CRPPA: variants seen among roughly 807,000 people sequenced by gnomAD.
The protein encoded by CRPPA is CDP-L-ribitol pyrophosphorylase A, also known as D-ribitol-5-phosphate cytidylyltransferase.
CRPPA carries 43 observed loss-of-function variants against 52.0 expected under a neutral mutation model. That is an observed-to-expected ratio of 0.83 (90% CI 0.65 to 1.07). CRPPA has a LOEUF of 1.07. Ranked by LOEUF, CRPPA falls within the 50% of genes least tolerant of loss-of-function variation. The pLI is 0.00. For synonymous variants in CRPPA, 250 were observed against 203.5 expected, an observed-to-expected ratio of 1.23 and a Z score of -1.94; for missense variants, 629 against 551.7, an observed-to-expected ratio of 1.14 and a Z score of -1.40.
chr7:16,303,971 AGTAACTGG>A (rs1381423660), intron 4 of CRPPA, among the ~76,000 whole-genome samples: 1 of 152,244 alleles, frequency 6.6e-6, no homozygotes, highest in African/African-American at 2.4e-5. Flanking sequence ...AAATTTCTTC[AGTAACTGG>A]TTATCAATCT....
chr7:16,229,312 T>G (rs12699773), intron 8 of CRPPA, among the ~76,000 whole-genome samples: 1 of 151,896 alleles, frequency 6.6e-6, no homozygotes, highest in Non-Finnish European at 1.5e-5. Flanking sequence ...ACAACTGCCA[T>G]TTTTGTGCAT....
chr7:16,093,505 T>C (rs1267827729), intron 9 of CRPPA, among the ~76,000 whole-genome samples: 2 of 152,160 alleles, frequency 1.3e-5, no homozygotes, highest in Non-Finnish European at 2.9e-5. Flanking sequence ...TTTCTATCAA[T>C]TTCCTTGATT....
intron 9 of CRPPA, among the ~76,000 whole-genome samples, chr7:16,197,504 G>C (rs1781764538): frequency 6.6e-6 from 1 of 151,250 alleles, no homozygotes; most frequent in East Asian, 1.9e-4. Context: ...TACTTGCGCA[G>C]CATTTTTTTT....
intron 3 of CRPPA, among the ~76,000 whole-genome samples, chr7:16,353,903 G>A (rs1419744355): frequency 6.6e-6 from 1 of 151,942 alleles, no homozygotes; most frequent in Non-Finnish European, 1.5e-5. Flanking sequence ...AATAATTCAG[G>A]TGATGGGTAT....
At chr7:16,301,351 G>T (rs1312283705) in intron 5 of CRPPA, 70 bp downstream of exon 5, 2 of 1,272,174 alleles carry the variant, frequency 1.6e-6, no homozygotes, top group Non-Finnish European at 2.3e-6. Flanking sequence ...GATTTAAACT[G>T]TCATGAGAAA....
chr7:16,101,880 C>T (rs1782053024), intron 9 of CRPPA, among the ~76,000 whole-genome samples: 1 of 152,072 alleles, frequency 6.6e-6, no homozygotes, highest in Non-Finnish European at 1.5e-5. Flanking sequence ...GGCCATATTG[C>T]CCAACGTAAT....
At chr7:16,361,732 T>A (rs374745993) in intron 3 of CRPPA, among the ~76,000 whole-genome samples, 3 of 152,220 alleles carry the variant, frequency 2.0e-5, no homozygotes, top group Admixed American at 1.3e-4. Flanking sequence ...AGTGAAAGTT[T>A]TGAAAGATAA....
intron 2 of CRPPA, among the ~76,000 whole-genome samples, chr7:16,399,507 C>T (rs1279686958): frequency 2.0e-5 from 3 of 151,622 alleles, no homozygotes; most frequent in Admixed American, 1.3e-4. Flanking sequence ...TCGTGACCAA[C>T]GTGACCAGAG....
chr7:16,287,910 AAAGG>A (rs200678619), intron 5 of CRPPA, among the ~76,000 whole-genome samples: 3,329 of 139,848 alleles, frequency 0.024, 146 homozygotes, highest in African/African-American at 0.08. Flanking sequence ...TGAAAAAAAG[AAAGG>A]AAGGAAGGAA....
chr7:16,112,580 C>CA (rs1782288856), intron 9 of CRPPA, among the ~76,000 whole-genome samples: 1 of 151,940 alleles, frequency 6.6e-6, no homozygotes, highest in African/African-American at 2.4e-5. Flanking sequence ...TACTAAGTAA[C>CA]AAAAAACAAT....
At chr7:16,348,377 G>A (rs1461509743) in intron 3 of CRPPA, among the ~76,000 whole-genome samples, 1 of 152,134 alleles carries the variant, frequency 6.6e-6, no homozygotes, top group South Asian at 2.1e-4. Flanking sequence ...ATGTCCAGGG[G>A]CTTAATCCCC....
At chr7:16,258,518 C>A in intron 7 of CRPPA, 36 bp from the exon 8 acceptor site, 1 of 1,280,302 alleles carries the variant, frequency 7.8e-7, no homozygotes, top group Non-Finnish European at 1.1e-6. Flanking sequence ...TATGAGAAGA[C>A]GTTTTTAAAT....
At chr7:16,390,936 G>T (rs948779126) in intron 2 of CRPPA, among the ~76,000 whole-genome samples, 1 of 152,142 alleles carries the variant, frequency 6.6e-6, no homozygotes, top group Non-Finnish European at 1.5e-5. Context: ...GAGCCTAGTC[G>T]AAGTCAATGG....
Position 16,206,413 on chromosome 7 carries a change from TA to T in CRPPA, c.1251+9652del, listed in dbSNP as rs1424587161. On this transcript the variant is annotated intron_variant, in intron 9 of 9. Coordinates refer to ENST00000407010, the MANE Select transcript of CRPPA (RefSeq NM_001101426.4). The stretch of plus-strand genomic sequence containing the variant: ...ACTTCTAATACAAAAGTATTTGTGG[TA>T]AACAAAAAAAAGCAGTATGTTCAAT... 2.0e-5 allele frequency among the ~76,000 whole-genome samples: 3 copies of T among 152,068 alleles called. No homozygotes were observed. In the East Asian group the frequency reaches 5.8e-4, roughly 29 times the overall value.
At chr7:16,243,440 T>C (rs1295165) in intron 8 of CRPPA, among the ~76,000 whole-genome samples, 38,716 of 152,028 alleles carry the variant, frequency 0.25, 4,956 homozygotes, top group Non-Finnish European at 0.27. Context: ...TAAAGTTACA[T>C]CTAGCAAAAC....
intron 9 of CRPPA, among the ~76,000 whole-genome samples, chr7:16,190,919 C>T (rs989618062): frequency 6.6e-6 from 1 of 152,008 alleles, no homozygotes; most frequent in Non-Finnish European, 1.5e-5. Flanking sequence ...CCAGTTCCAC[C>T]CAGGTTGCCA....
intron 8 of CRPPA, among the ~76,000 whole-genome samples, chr7:16,248,270 C>G (rs765592348): frequency 1.1e-4 from 17 of 152,152 alleles, no homozygotes; most frequent in Non-Finnish European, 2.1e-4. Context: ...GCCCAAAAGG[C>G]TGAGTCTGCA....
chr7:16,230,528 T>C (rs1000085789), intron 8 of CRPPA, among the ~76,000 whole-genome samples: 3 of 152,206 alleles, frequency 2.0e-5, no homozygotes, highest in East Asian at 1.9e-4. Flanking sequence ...TTTCACATTC[T>C]GGTCACTGTT....
intron 9 of CRPPA, among the ~76,000 whole-genome samples, chr7:16,129,306 T>C (rs998693344): frequency 2.0e-5 from 3 of 152,032 alleles, no homozygotes; most frequent in African/African-American, 7.2e-5. Context: ...CTCAGCAAAG[T>C]CTTTCATCTC....
Sources: allele counts gnomAD v4.1 joint callset (sites outside exome capture counted in the v4.1 genomes callset), GRCh38; gene constraint gnomAD v4.1.1; transcripts MANE v1.5; gene names NCBI Gene and HGNC (gene_info 2026-07-23, HGNC 2026-07-21).